Variants in ADGRD1 observed in about 807,000 individuals in gnomAD.
ADGRD1 encodes the protein G-protein coupled receptor 133.
Under a neutral mutation model 113.4 loss-of-function variants are expected in ADGRD1, and 77 were observed. The ratio of observed to expected loss-of-function variants is 0.68; its 90% CI spans 0.57 to 0.82. The LOEUF is 0.82. Among genes scored for constraint, ADGRD1 ranks in the 40% least tolerant of loss-of-function variants. ADGRD1 has a pLI of 0.00. For missense variants in ADGRD1, 1,036 were observed against 1,139.1 expected (o/e 0.91, Z 1.30); for synonymous variants, 474 against 475.0 (o/e 1.00, Z 0.03).
chr12:131,132,392 C>A (rs942180635), intron 21 of ADGRD1, among the ~76,000 whole-genome samples: 2 of 152,196 alleles, frequency 1.3e-5, no homozygotes, highest in South Asian at 2.1e-4. Context: ...GCATCTCTTA[C>A]GGCCCAGCCG....
chr12:130,992,040 G>C (rs1171120332), intron 7 of ADGRD1, among the ~76,000 whole-genome samples, 197 bp from the exon 8 acceptor site: 1 of 151,248 alleles, frequency 6.6e-6, no homozygotes, highest in Admixed American at 6.6e-5. Flanking sequence ...AGACTCGCTT[G>C]AACCCGGGAG....
intron 17 of ADGRD1, 54 bp downstream of exon 17, chr12:131,105,919 T>G: frequency 7.7e-7 from 1 of 1,291,468 alleles, no homozygotes; most frequent in Non-Finnish European, 1.1e-6. Flanking sequence ...CCTCCTCGGA[T>G]GTCACCGGGT....
intron 2 of ADGRD1, among the ~76,000 whole-genome samples, chr12:130,963,785 A>T (rs1361421911): frequency 6.6e-6 from 1 of 152,020 alleles, no homozygotes; most frequent in Middle Eastern, 3.2e-3. Context: ...CATATGTATG[A>T]GTGTATCTCT....
At chr12:130,987,779 G>A (rs12826848) in intron 6 of ADGRD1, 18,885 of 204,178 alleles carry the variant, frequency 0.092, 1,130 homozygotes, top group Middle Eastern at 0.16. Flanking sequence ...TAGGTGGACT[G>A]GGGTTCAAAT....
intron 12 of ADGRD1, among the ~76,000 whole-genome samples, chr12:131,008,751 C>T (rs1002168872): frequency 2.6e-5 from 4 of 152,176 alleles, no homozygotes; most frequent in South Asian, 4.1e-4. Context: ...CCGGGACAGC[C>T]GGTTCCTCCA....
At chr12:131,056,998 T>C (rs1199549402) in intron 13 of ADGRD1, among the ~76,000 whole-genome samples, 1 of 152,108 alleles carries the variant, frequency 6.6e-6, no homozygotes, top group Non-Finnish European at 1.5e-5. Flanking sequence ...ATTCGACAAA[T>C]AGATGAGATT....
chr12:130,979,419 C>T (rs1367808151), intron 4 of ADGRD1, among the ~76,000 whole-genome samples: 1 of 152,176 alleles, frequency 6.6e-6, no homozygotes, highest in African/African-American at 2.4e-5. Flanking sequence ...GATATATTGT[C>T]ACAAGACATT....
chr12:130,992,672 C>T (rs188869346), intron 8 of ADGRD1, among the ~76,000 whole-genome samples: 7 of 152,348 alleles, frequency 4.6e-5, no homozygotes, highest in African/African-American at 1.2e-4. Context: ...CCCCCGCGGG[C>T]GTGTGGTTGG....
intron 2 of ADGRD1, chr12:130,956,287 C>A (rs1188141992): frequency 6.6e-6 from 1 of 152,260 alleles, no homozygotes; most frequent in East Asian, 1.9e-4. Context: ...CCAGGATGTT[C>A]CAGGCATCGT....
chr12:130,974,595 C>G (rs532946996), intron 4 of ADGRD1, among the ~76,000 whole-genome samples: 1 of 152,174 alleles, frequency 6.6e-6, no homozygotes, highest in South Asian at 2.1e-4. Flanking sequence ...ATTCTTATAA[C>G]GAAAAACAAC....
intron 13 of ADGRD1, among the ~76,000 whole-genome samples, chr12:131,038,730 C>T (rs528777174): frequency 5.3e-5 from 8 of 152,282 alleles, no homozygotes; most frequent in Admixed American, 2.6e-4. Flanking sequence ...GTGAGGGGGA[C>T]GGCAGTGACA....
chr12:131,050,888 C>T lies in ADGRD1; in HGVS notation c.1474-25913C>T, dbSNP rs559170489. ...TGCATTCCTATGAGAATCAAACGCCCGGCTGATCTGATAGGAGGGGAGCTC... is the reference window on the plus strand; with the variant it reads ...TGCATTCCTATGAGAATCAAACGCCTGGCTGATCTGATAGGAGGGGAGCTC... On this transcript the variant is annotated intron_variant, in intron 13 of 24. Transcript: ENST00000261654. The surrounding 1 kb of genome is among the most constrained non-coding windows in gnomAD (Gnocchi z 4.8). Among the ~76,000 whole-genome samples, 6 of 152,198 alleles carry T rather than the reference C, an allele frequency of 3.9e-5. No homozygotes were observed. The highest frequency in any genetic ancestry group is 2.1e-4 in the South Asian group (1 of 4,818).
intron 20 of ADGRD1, among the ~76,000 whole-genome samples, chr12:131,127,679 G>A (rs1166556450): frequency 1.4e-5 from 2 of 146,880 alleles, no homozygotes; most frequent in Non-Finnish European, 3.0e-5. Flanking sequence ...GAGCTCAGGT[G>A]AGGTGTTGAT....
chr12:131,095,643 G>A (rs906424181), intron 15 of ADGRD1, among the ~76,000 whole-genome samples: 6 of 152,212 alleles, frequency 3.9e-5, no homozygotes, highest in African/African-American at 1.2e-4. Context: ...CGCATAGCCC[G>A]GCCGAGGGAT....
intron 13 of ADGRD1, among the ~76,000 whole-genome samples, chr12:131,049,481 CAG>C (rs1407835916): frequency 7.2e-5 from 11 of 152,224 alleles, no homozygotes; most frequent in Admixed American, 2.6e-4. Flanking sequence ...ATTCTGGACA[CAG>C]AGTGTTGACT....
In ADGRD1 at chr12:131,041,174, T is replaced by C. The variant is rs1482869056; in HGVS notation, c.1473+26834T>C. 6.6e-6 allele frequency among the ~76,000 whole-genome samples: 1 copy of C among 152,124 alleles called. No individual in the cohort carries two copies. The highest frequency in any genetic ancestry group is 2.1e-4 in the South Asian group (1 of 4,814). ...CAGGGACTTCACTGAGCACAGAAAATCGGGGGTCTTGGTGCTGGCCACTGG... is the reference window on the plus strand; with the variant it reads ...CAGGGACTTCACTGAGCACAGAAAACCGGGGGTCTTGGTGCTGGCCACTGG... On this transcript the variant is annotated intron_variant, in intron 13 of 24. Coordinates refer to ENST00000261654, the MANE Select transcript of ADGRD1 (RefSeq NM_198827.5). The surrounding 1 kb of genome is among the most constrained non-coding windows in gnomAD (Gnocchi z 4.4).
chr12:131,107,292 T>G (rs1593227000), intron 17 of ADGRD1, among the ~76,000 whole-genome samples: 1 of 146,732 alleles, frequency 6.8e-6, no homozygotes, highest in Admixed American at 6.8e-5. Context: ...GACCTGTGTC[T>G]GAATCCCAGC....
chr12:131,074,891 T>C (rs961220829), intron 13 of ADGRD1, among the ~76,000 whole-genome samples: 2 of 152,178 alleles, frequency 1.3e-5, no homozygotes, highest in Admixed American at 6.5e-5. Context: ...CTTGTTGCGG[T>C]GGTGGCTGTT....
At chr12:131,117,525 C>T (rs141605852) in intron 18 of ADGRD1, among the ~76,000 whole-genome samples, 65 of 152,240 alleles carry the variant, frequency 4.3e-4, no homozygotes, top group African/African-American at 1.5e-3. Flanking sequence ...TTAGGGGCTC[C>T]GTAGAAAAGA....
Sources: allele counts gnomAD v4.1 joint callset (sites outside exome capture counted in the v4.1 genomes callset), GRCh38; gene constraint gnomAD v4.1.1; non-coding constraint Gnocchi (gnomAD v3.1); transcripts MANE v1.5; gene names NCBI Gene and HGNC (gene_info 2026-07-23, HGNC 2026-07-21).